The following RYR2 variants were observed in gnomAD, a reference collection of about 807,000 sequenced individuals.
RYR2 encodes cardiac muscle ryanodine receptor-calcium release channel.
A neutral mutation model predicts 601.1 loss-of-function variants in RYR2; 227 were observed. The observed-to-expected ratio is 0.38, with a 90% CI of 0.34 to 0.42. The LOEUF (loss-of-function observed/expected upper bound fraction) is 0.42, where lower values mean the gene tolerates loss of function less well. RYR2 is among the 10% of genes least tolerant of loss of function. RYR2 has a pLI of 1.00. For synonymous variants in RYR2, 2,223 were observed against 2,175.1 expected (o/e 1.02, Z -0.61); for missense variants, 4,646 against 6,156.5 (o/e 0.75, Z 8.21).
intron 96 of RYR2, among the ~76,000 whole-genome samples, chr1:237,797,403 CTCAGGGGAGTGGGTT>C (rs1659385059): frequency 6.6e-6 from 1 of 151,990 alleles, no homozygotes; most frequent in Non-Finnish European, 1.5e-5. Flanking sequence ...GGTCAGGATA[CTCAGGGGAGTGGGTT>C]AGAAAGATGG....
chr1:237,270,010 A>G (rs1689522853), intron 1 of RYR2, among the ~76,000 whole-genome samples: 2 of 152,166 alleles, frequency 1.3e-5, no homozygotes, highest in African/African-American at 4.8e-5. Flanking sequence ...GATGACTTTT[A>G]CCATCACTTT....
At chr1:237,422,855 C>A (rs577681578) in intron 11 of RYR2, among the ~76,000 whole-genome samples, 1 of 152,292 alleles carries the variant, frequency 6.6e-6, no homozygotes, top group South Asian at 2.1e-4. Context: ...TAAGTCAGAA[C>A]ACCTTGAGTT....
chr1:237,356,290 T>C (rs1201173992), intron 4 of RYR2, among the ~76,000 whole-genome samples: 18 of 150,638 alleles, frequency 1.2e-4, no homozygotes, highest in Admixed American at 3.3e-4. Context: ...ATTCATACTG[T>C]CTGTATATCT....
chr1:237,256,511 G>A (rs1018156226), intron 1 of RYR2, among the ~76,000 whole-genome samples: 1 of 152,134 alleles, frequency 6.6e-6, no homozygotes, highest in Non-Finnish European at 1.5e-5. Flanking sequence ...ATCTGGGGCT[G>A]GCTGTGCCCT....
intron 25 of RYR2, among the ~76,000 whole-genome samples, chr1:237,545,481 T>TC (rs1669701508): frequency 6.6e-6 from 1 of 152,292 alleles, no homozygotes; most frequent in South Asian, 2.1e-4. Flanking sequence ...TATCGAAACT[T>TC]CATCATCTGT....
chr1:237,255,286 T>C (rs1033963956), intron 1 of RYR2, among the ~76,000 whole-genome samples: 1 of 152,214 alleles, frequency 6.6e-6, no homozygotes. Context: ...ATGTCTGAAA[T>C]ATGTCCAGTC....
At chr1:237,690,741 T>C (rs1047628660) in intron 63 of RYR2, among the ~76,000 whole-genome samples, 2 of 152,136 alleles carry the variant, frequency 1.3e-5, no homozygotes, top group African/African-American at 4.8e-5. Context: ...CATACACCTT[T>C]GGTCCCAGCT....
At position 237,125,095 on chromosome 1, in the gene RYR2, G is replaced by A. The variant is rs181516046; in HGVS notation, c.48+82526G>A. Among the ~76,000 whole-genome samples, 32 of 152,316 alleles carry A rather than the reference G, an allele frequency of 2.1e-4. No individual in the cohort carries two copies. In the East Asian group the frequency reaches 5.6e-3, roughly 27 times the overall value. ...GCAGAGTTAACACGTGCATTTTGCA[G>A]ATAGAAATGCTTGGTGGTTGCCAGA... is the stretch of plus-strand genomic sequence containing the variant. On this transcript the variant is annotated intron_variant, in intron 1 of 104. Transcript: ENST00000366574.
intron 24 of RYR2, among the ~76,000 whole-genome samples, chr1:237,525,708 G>A (rs1001211495): frequency 4.6e-4 from 70 of 152,058 alleles, no homozygotes; most frequent in African/African-American, 1.5e-3. Flanking sequence ...GGACAGATGC[G>A]GTGGCTCACT....
At chr1:237,439,058 T>C (rs1458361854) in intron 12 of RYR2, among the ~76,000 whole-genome samples, 1 of 152,224 alleles carries the variant, frequency 6.6e-6, no homozygotes, top group African/African-American at 2.4e-5. Context: ...GTAAGATTAT[T>C]ACTTGCCTAA....
intron 24 of RYR2, among the ~76,000 whole-genome samples, chr1:237,527,278 A>G (rs2805442): frequency 0.48 from 72,442 of 151,878 alleles, 17,555 homozygotes; most frequent in East Asian, 0.6. Flanking sequence ...GGCTATTCGG[A>G]CTCTTTTTTG....
intron 6 of RYR2, among the ~76,000 whole-genome samples, chr1:237,370,661 ATT>A (rs141088160): frequency 1.2e-4 from 16 of 133,622 alleles, no homozygotes; most frequent in African/African-American, 2.2e-4. Context: ...GTTTCATTCC[ATT>A]TTTTTTTTTT....
Position 237,377,417 on chromosome 1 carries a change from G to A in RYR2, c.558G>A (p.Val186=). ...GAGATGACCTCATCTTAGTTAGCGTGTCCTCTGAAAGGTACTTGGTAAGTG... is the reference window on the plus strand; with the variant it reads ...GAGATGACCTCATCTTAGTTAGCGTATCCTCTGAAAGGTACTTGGTAAGTG... ...RVGDDLILVS[V]SSERYLHLSY... The change falls in exon 8 of 105, where the codon GTG becomes GTA. Residue 186 remains valine, a synonymous_variant. Coordinates refer to ENST00000366574, the MANE Select transcript of RYR2 (RefSeq NM_001035.3). The A allele has an allele frequency of 3.1e-6, 5 of 1,613,506 alleles. No individual in the cohort carries two copies. The highest frequency in any genetic ancestry group is 4.2e-6 in the Non-Finnish European group (5 of 1,179,538).
At chr1:237,173,765 T>G (rs1022798823) in intron 1 of RYR2, among the ~76,000 whole-genome samples, 2 of 152,136 alleles carry the variant, frequency 1.3e-5, no homozygotes, top group Admixed American at 6.5e-5. Context: ...GATAAAAGAT[T>G]AAGAGTGTTG....
chr1:237,761,679 C>A (rs970557105), intron 84 of RYR2, among the ~76,000 whole-genome samples: 1 of 152,042 alleles, frequency 6.6e-6, no homozygotes, highest in Admixed American at 6.6e-5. Context: ...GCAGAAATAA[C>A]CTTTGCTGCC....
intron 16 of RYR2, among the ~76,000 whole-genome samples, chr1:237,463,776 T>G (rs1009648764): frequency 3.3e-5 from 5 of 152,174 alleles, no homozygotes; most frequent in Admixed American, 6.6e-5. Flanking sequence ...TTTTGTACCT[T>G]GACGCACCAT....
At chr1:237,222,630 T>C (rs1683945281) in intron 1 of RYR2, among the ~76,000 whole-genome samples, 1 of 152,138 alleles carries the variant, frequency 6.6e-6, no homozygotes, top group South Asian at 2.1e-4. Flanking sequence ...AGGTTTTCAG[T>C]CTTTATTTAA....
At chr1:237,132,549 T>C (rs549338664) in intron 1 of RYR2, among the ~76,000 whole-genome samples, 16 of 152,286 alleles carry the variant, frequency 1.1e-4, no homozygotes, top group African/African-American at 1.7e-4. Context: ...AGAGGCAGAA[T>C]TGGTGAACTT....
chr1:237,062,004 C>A (rs947491355), intron 1 of RYR2, among the ~76,000 whole-genome samples: 12 of 152,222 alleles, frequency 7.9e-5, no homozygotes, highest in African/African-American at 2.4e-4. Flanking sequence ...ACCTTTTCAT[C>A]ACTGCATTGC....
Sources: gnomAD v4.1 joint callset for allele counts (sites outside exome capture counted in the v4.1 genomes callset) on GRCh38, gnomAD v4.1.1 for gene constraint, MANE v1.5 for transcripts, NCBI Gene and HGNC (gene_info 2026-07-23, HGNC 2026-07-21) for gene names.